TMEM59: variants seen among roughly 807,000 people sequenced by gnomAD.
TMEM59 encodes transmembrane protein 59, also known as dendritic cell factor 1.
A neutral mutation model predicts 42.2 loss-of-function variants in TMEM59; 44 were observed. The ratio of observed to expected loss-of-function variants is 1.04; its 90% CI spans 0.82 to 1.34. TMEM59 has a LOEUF of 1.34. TMEM59 is among the 40% of genes most tolerant of loss of function. The pLI is 0.00. For missense variants in TMEM59, 359 were observed against 382.8 expected, an observed-to-expected ratio of 0.94 and a Z score of 0.52; for synonymous variants, 148 against 145.8, an observed-to-expected ratio of 1.02 and a Z score of -0.11.
In TMEM59 at chr1:54,053,097, C is replaced by G. The variant is rs569864156; in HGVS notation, c.92G>C (p.Gly31Ala). The change falls in exon 1 of 8, where the codon GGG becomes GCG. Residue 31 changes from glycine (G) to alanine (A), a missense_variant. By Grantham distance (60) the Gly-to-Ala change is moderately conservative. Coordinates refer to ENST00000234831, the MANE Select transcript of TMEM59 (RefSeq NM_004872.5). Reference sequence around the variant, plus strand: ...GTCAAATGCTTCAGCCGAAGCGGTCCCCGAACCTCCGGCCAAGGCCATGGT... The same window carrying G: ...GTCAAATGCTTCAGCCGAAGCGGTCGCCGAACCTCCGGCCAAGGCCATGGT... The part of the protein sequence containing the change: ...LLTMALAGGS[G>A]TASAEAFDSV... 6.2e-7 allele frequency: 1 copy of G among 1,614,264 alleles called. No individual in the cohort carries two copies. Among genetic ancestry groups the G allele is most frequent in the African/African-American group, 1.3e-5 (1 of 75,072 alleles).
Position 54,031,369 on chromosome 1 carries a change from T to C in TMEM59, c.*781A>G, listed in dbSNP as rs1466677810. On this transcript the variant is annotated 3_prime_UTR_variant, in exon 8 of 8. Coordinates refer to ENST00000234831, the MANE Select transcript of TMEM59 (RefSeq NM_004872.5). ...AGTAAAATTTATACTTAATTCTGTA[T>C]CACAAGAGTCTAATTTTTAGTGTTA... 1.3e-5 allele frequency: 2 copies of C among 152,230 alleles called. No homozygotes were observed. Among genetic ancestry groups the C allele is most frequent in the African/African-American group, 4.8e-5 (2 of 41,460 alleles). The allele number at this position is 152,230 out of a possible 1,614,324, so 9.4% of individuals were successfully genotyped here.
Position 54,030,731 on chromosome 1 carries a change from A to ATC in TMEM59, c.*1418_*1419insGA, listed in dbSNP as rs1656741098. ...TCTATCATCCAAATCTAGACAAACT[A>ATC]AAAATAAAAACCTACACTTTGTGAC... is the stretch of plus-strand genomic sequence containing the variant. On this transcript the variant is annotated 3_prime_UTR_variant, in exon 8 of 8. Transcript: ENST00000234831. The ATC allele has an allele frequency of 6.6e-6, 1 of 152,168 alleles. No individual in the cohort carries two copies. Among genetic ancestry groups the ATC allele is most frequent in the Non-Finnish European group, 1.5e-5 (1 of 68,016 alleles). 9.4% of individuals were successfully genotyped at this position (152,168 alleles called of 1,614,324 possible).
At chr1:54,036,782 T>A in intron 6 of TMEM59, 64 bp from the exon 7 acceptor site, 1 of 1,148,188 alleles carries the variant, frequency 8.7e-7, no homozygotes, top group Non-Finnish European at 1.2e-6. Context: ...AATTCTTAAT[T>A]AGTCAACCTT....
At chr1:54,050,404 T>A (rs1657489718) in intron 1 of TMEM59, among the ~76,000 whole-genome samples, 2 of 152,076 alleles carry the variant, frequency 1.3e-5, no homozygotes, top group Admixed American at 6.5e-5. Flanking sequence ...ATTACAGGCG[T>A]GAGCCACCGC....
intron 1 of TMEM59, 126 bp from the exon 2 acceptor site, chr1:54,047,498 A>C: frequency 1.4e-6 from 1 of 737,134 alleles, no homozygotes; most frequent in Non-Finnish European, 2.3e-6. Context: ...TTCATAACTG[A>C]AAGAAAAAAA....
chr1:54,035,487 T>C (rs927464069), intron 7 of TMEM59, among the ~76,000 whole-genome samples: 12 of 152,236 alleles, frequency 7.9e-5, no homozygotes, highest in African/African-American at 2.9e-4. Context: ...ACAAAAATCC[T>C]TTACCTTAAC....
Position 54,029,032 on chromosome 1 carries a change from T to A in TMEM59, c.*3118A>T, listed in dbSNP as rs1028157156. On this transcript the variant is annotated 3_prime_UTR_variant, in exon 8 of 8. Coordinates refer to ENST00000234831, the MANE Select transcript of TMEM59 (RefSeq NM_004872.5). Reference sequence around the variant, plus strand: ...CAAAAATTATAATGGAACTACTGTATATCTTTAAAAAACTTGTAACAAAAA... The same window carrying A: ...CAAAAATTATAATGGAACTACTGTAAATCTTTAAAAAACTTGTAACAAAAA... The A allele has an allele frequency of 6.6e-6, 1 of 152,222 alleles. No individual in the cohort carries two copies. The highest frequency in any genetic ancestry group is 1.5e-5 in the Non-Finnish European group (1 of 68,040). The allele number at this position is 152,222 out of a possible 1,614,324, so 9.4% of individuals were successfully genotyped here.
intron 6 of TMEM59, 185 bp from the exon 7 acceptor site, chr1:54,036,903 C>T (rs1313643791): frequency 2.7e-6 from 1 of 364,490 alleles, no homozygotes; most frequent in African/African-American, 2.1e-5. Flanking sequence ...ATTAGGTTGG[C>T]ATAAAGTCTT....
At position 54,032,283 on chromosome 1, in the gene TMEM59, A is replaced by G; in HGVS notation, c.839T>C (p.Leu280Ser). The G allele has an allele frequency of 6.2e-7, 1 of 1,608,350 alleles. No homozygotes were observed. Among genetic ancestry groups the G allele is most frequent in the South Asian group, 1.1e-5 (1 of 90,160 alleles). ...PSEKLSIYGD[L>S]EFMNEQKLNR... is the part of the protein sequence containing the mutation. Reference sequence around the variant, plus strand: ...TAGCTTTTGTTCATTCATAAACTCCAAGTCACCATAGATACTCAGCTTCTG... The same window carrying G: ...TAGCTTTTGTTCATTCATAAACTCCGAGTCACCATAGATACTCAGCTTCTG... Residue 280 changes from leucine to serine, a missense_variant, in exon 8 of 8, where the codon TTG becomes TCG. Transcript: ENST00000234831.
chr1:54,038,439 G>A (rs115726634), intron 6 of TMEM59, among the ~76,000 whole-genome samples: 2,623 of 152,270 alleles, frequency 0.017, 48 homozygotes, highest in Non-Finnish European at 0.026. Context: ...TATTGTCCAT[G>A]TCTGTTTAGA....
chr1:54,046,097 A>G (rs1053109486), intron 2 of TMEM59, among the ~76,000 whole-genome samples: 21 of 152,192 alleles, frequency 1.4e-4, no homozygotes, highest in Non-Finnish European at 2.9e-5. Context: ...TGAAGATGCC[A>G]CTCAAAAAGG....
chr1:54,038,495 A>G (rs1187939321), intron 6 of TMEM59, among the ~76,000 whole-genome samples: 1 of 152,204 alleles, frequency 6.6e-6, no homozygotes, highest in Non-Finnish European at 1.5e-5. Context: ...TCCCTAGCAC[A>G]GTGCCTGGCT....
chr1:54,033,742 T>G (rs1285357227), intron 7 of TMEM59: 1 of 151,830 alleles, frequency 6.6e-6, no homozygotes, highest in Non-Finnish European at 1.5e-5. Context: ...AAGCAAGAAC[T>G]CCACAGAAGT....
chr1:54,048,690 G>A (rs1242656573), intron 1 of TMEM59: 1 of 455,414 alleles, frequency 2.2e-6, no homozygotes, highest in Non-Finnish European at 4.6e-6. Context: ...CACCTAATAA[G>A]GAAACAGCAT....
intron 5 of TMEM59, 129 bp downstream of exon 5, chr1:54,041,589 ATGAAAG>A (rs1366749265): frequency 4.5e-6 from 3 of 665,130 alleles, no homozygotes; most frequent in South Asian, 2.1e-5. Flanking sequence ...TGTAATACAC[ATGAAAG>A]TTTGAGAACC....
intron 7 of TMEM59, among the ~76,000 whole-genome samples, chr1:54,035,905 A>G (rs1407001989): frequency 1.3e-5 from 2 of 152,180 alleles, no homozygotes; most frequent in African/African-American, 4.8e-5. Flanking sequence ...CATGAGCACC[A>G]CACCTGGCCC....
intron 1 of TMEM59, 110 bp from the exon 2 acceptor site, chr1:54,047,482 G>A (rs1557680022): frequency 4.7e-6 from 4 of 842,596 alleles, no homozygotes; most frequent in Admixed American, 5.8e-5. Flanking sequence ...AAATCGTCCA[G>A]TAAGTTTCAT....
rs1280406567 is a variant in TMEM59 at position 54,045,004 on chromosome 1, C to T, written c.390+688G>A. 4 of 152,142 alleles carry T rather than the reference C, an allele frequency of 2.6e-5. 1 individual carries two copies. Among genetic ancestry groups the T allele is most frequent in the Admixed American group, 2.6e-4 (4 of 15,266 alleles). 9.4% of individuals were successfully genotyped at this position (152,142 alleles called of 1,614,324 possible). On this transcript the variant is annotated intron_variant, in intron 3 of 7. Transcript: ENST00000234831. Reference sequence around the variant, plus strand: ...GGAGACTTTTCACTATATGTATACTCTTTTTATCTTTTGAGTTTGTACATG... The same window carrying T: ...GGAGACTTTTCACTATATGTATACTTTTTTTATCTTTTGAGTTTGTACATG...
At position 54,036,695 on chromosome 1, in the gene TMEM59, G is replaced by A. The variant is rs764230771; in HGVS notation, c.731C>T (p.Thr244Ile). 2.7e-5 allele frequency: 44 copies of A among 1,600,546 alleles called. No homozygotes were observed. Among genetic ancestry groups the A allele is most frequent in the South Asian group, 1.9e-4 (17 of 88,444 alleles). The change falls in exon 7 of 8, where the codon ACA (threonine) becomes ATA (isoleucine). Residue 244 changes from threonine to isoleucine, a missense_variant. By Grantham distance (89) the Thr-to-Ile change is moderately conservative. Transcript: ENST00000234831. ...TACCATCACCGAGAGGACAAGAGTT[G>A]TAGTTAAAATCCACCCAGAGTTACT... ...LSLNSGWILT[T>I]TLVLSVMVLL...
Sources: gnomAD v4.1 joint callset for allele counts (sites outside exome capture counted in the v4.1 genomes callset) on GRCh38, gnomAD v4.1.1 for gene constraint, MANE v1.5 for transcripts, NCBI Gene and HGNC (gene_info 2026-07-23, HGNC 2026-07-21) for gene names.